NLN: variants seen among roughly 807,000 people sequenced by gnomAD.
NLN encodes neurolysin, also known as neurolysin, mitochondrial.
In NLN, 64 loss-of-function variants were observed where a neutral mutation model predicts 79.9. The ratio of observed to expected loss-of-function variants is 0.80; its 90% CI spans 0.65 to 0.99. The LOEUF is 0.99. Among genes scored for constraint, NLN ranks in the 50% least tolerant of loss-of-function variants. NLN has a pLI of 0.00. For synonymous variants in NLN, 267 were observed against 296.6 expected, an observed-to-expected ratio of 0.90 and a Z score of 1.02; for missense variants, 835 against 858.7, an observed-to-expected ratio of 0.97 and a Z score of 0.34.
intron 9 of NLN, among the ~76,000 whole-genome samples, chr5:65,802,330 C>T (rs963912477): frequency 2.0e-5 from 3 of 152,226 alleles, no homozygotes; most frequent in Admixed American, 6.5e-5. Flanking sequence ...CCAGCACAGG[C>T]GCTGGAGGCA....
chr5:65,735,286 C>T (rs895966381), intron 1 of NLN, among the ~76,000 whole-genome samples: 4 of 152,198 alleles, frequency 2.6e-5, no homozygotes, highest in Non-Finnish European at 5.9e-5. Context: ...ATAAGTTACC[C>T]AGTCTTGGGC....
chr5:65,784,975 TCATCCATGTTGTAG>T (rs1188494318), intron 6 of NLN, among the ~76,000 whole-genome samples: 5 of 152,212 alleles, frequency 3.3e-5, no homozygotes, highest in African/African-American at 1.2e-4. Context: ...CCTTAAAGGG[TCATCCATGTTGTAG>T]CATGTGTCAG....
chr5:65,780,989 A>G (rs1759788438), intron 5 of NLN, among the ~76,000 whole-genome samples: 1 of 152,010 alleles, frequency 6.6e-6, no homozygotes, highest in Non-Finnish European at 1.5e-5. Context: ...GTCTTTCTTC[A>G]CTTAATTTTG....
chr5:65,733,763 AGGCTGAAGTGCAGT>A lies in NLN; in HGVS notation c.41+11353_41+11366del, dbSNP rs1301853872. On this transcript the variant is annotated intron_variant, in intron 1 of 12. Transcript: ENST00000380985. ...TTGATGGAGTCTCGCTCTGTCCCTC[AGGCTGAAGTGCAGT>A]GGCACAATCTCAGCTCACTGCAACT... 3.8e-6 allele frequency: 3 copies of A among 782,278 alleles called. No individual in the cohort carries two copies. In the African/African-American group the frequency reaches 5.9e-5, roughly 15 times the overall value. 48.5% of individuals were successfully genotyped at this position (782,278 alleles called of 1,614,324 possible).
chr5:65,785,591 C>T (rs1386610117), intron 6 of NLN, among the ~76,000 whole-genome samples, 184 bp from the exon 7 acceptor site: 10 of 124,930 alleles, frequency 8.0e-5, no homozygotes, highest in Admixed American at 4.9e-4. Flanking sequence ...AGAAATAAAA[C>T]GAAATCATGA....
intron 3 of NLN, among the ~76,000 whole-genome samples, chr5:65,769,549 T>G (rs973700206): frequency 6.6e-6 from 1 of 152,170 alleles, no homozygotes; most frequent in African/African-American, 2.4e-5. Context: ...ACAAAAAATT[T>G]TTTTAAAACC....
At chr5:65,783,883 A>G (rs150777071) in intron 6 of NLN, among the ~76,000 whole-genome samples, 37 of 152,236 alleles carry the variant, frequency 2.4e-4, no homozygotes, top group Middle Eastern at 3.4e-3. Flanking sequence ...TTTCTCTTCT[A>G]TGTTTTCCAT....
rs954035095 is a variant in NLN, at chr5:65,825,625, T to A, written c.*2710T>A. ...TGCCTTGAGTTATCACCTGAGCTAC[T>A]TATGCCAAGGTCTTGCCTTTCTAAA... On this transcript the variant is annotated 3_prime_UTR_variant, in exon 13 of 13. Transcript: ENST00000380985. The A allele has an allele frequency of 2.6e-4, 39 of 152,212 alleles. No homozygotes were observed. The highest frequency in any genetic ancestry group is 8.2e-4 in the African/African-American group (34 of 41,440). 9.4% of individuals were successfully genotyped at this position (152,212 alleles called of 1,614,324 possible).
At chr5:65,776,496 G>A (rs1759681789) in intron 3 of NLN, among the ~76,000 whole-genome samples, 1 of 152,190 alleles carries the variant, frequency 6.6e-6, no homozygotes, top group East Asian at 1.9e-4. Flanking sequence ...GGTCTGTCAT[G>A]GAGAGAATCT....
In NLN at chr5:65,825,179, A is replaced by G. The variant is rs1233503517; in HGVS notation, c.*2264A>G. On this transcript the variant is annotated 3_prime_UTR_variant, in exon 13 of 13. Coordinates refer to ENST00000380985, the MANE Select transcript of NLN (RefSeq NM_020726.5). Reference sequence around the variant, plus strand: ...TTTAAAAATTCTCTAGCATAATTCAAAAGAAAGGACTTAACTTTTTTTTTT... The same window carrying G: ...TTTAAAAATTCTCTAGCATAATTCAGAAGAAAGGACTTAACTTTTTTTTTT... 4 of 152,258 alleles carry G rather than the reference A, an allele frequency of 2.6e-5. No homozygotes were observed. Among genetic ancestry groups the G allele is most frequent in the Non-Finnish European group, 5.9e-5 (4 of 68,044 alleles). The allele number at this position is 152,258 out of a possible 1,614,324, so 9.4% of individuals were successfully genotyped here.
intron 4 of NLN, among the ~76,000 whole-genome samples, chr5:65,779,271 G>A (rs551858237): frequency 6.6e-6 from 1 of 152,258 alleles, no homozygotes; most frequent in East Asian, 1.9e-4. Context: ...TGGTGATGCT[G>A]ATGCTCCTAG....
intron 1 of NLN, among the ~76,000 whole-genome samples, chr5:65,746,300 A>T (rs932546669): frequency 2.0e-5 from 3 of 152,376 alleles, no homozygotes; most frequent in Admixed American, 1.3e-4. Context: ...AAGAGGAATC[A>T]TTATCACAAA....
intron 1 of NLN, among the ~76,000 whole-genome samples, chr5:65,734,791 C>T (rs1468752194): frequency 1.3e-5 from 2 of 152,190 alleles, no homozygotes; most frequent in African/African-American, 4.8e-5. Context: ...AAGGTCCATA[C>T]TGTCAGGGCT....
At chr5:65,774,761 G>A (rs252633) in intron 3 of NLN, among the ~76,000 whole-genome samples, 68,999 of 148,110 alleles carry the variant, frequency 0.47, 16,788 homozygotes, top group Non-Finnish European at 0.54. Flanking sequence ...GTTTTACTCC[G>A]TCACCTGGGC....
intron 7 of NLN, among the ~76,000 whole-genome samples, chr5:65,786,679 A>ACCCCAACCCTGTCTCTAC (rs1363967244): frequency 6.6e-6 from 1 of 152,010 alleles, no homozygotes; most frequent in Non-Finnish European, 1.5e-5. Context: ...AAACAAAGAG[A>ACCCCAACCCTGTCTCTAC]CCCCAACCCT....
intron 3 of NLN, among the ~76,000 whole-genome samples, chr5:65,773,829 G>T (rs1759621533): frequency 6.6e-6 from 1 of 152,104 alleles, no homozygotes; most frequent in African/African-American, 2.4e-5. Context: ...TGTAATCCCA[G>T]CTACTTGGGA....
At chr5:65,786,297 T>C (rs1298566392) in intron 7 of NLN, among the ~76,000 whole-genome samples, 1 of 152,104 alleles carries the variant, frequency 6.6e-6, no homozygotes, top group African/African-American at 2.4e-5. Flanking sequence ...AAATAAAACA[T>C]ACATAAACAA....
rs546569503 is a variant in NLN, at chr5:65,757,522, C to G, written c.42-1045C>G. Reference sequence around the variant, plus strand: ...TTACTACATGGGAAGTATTTTGAACCATGCCTGAACAGACAATAAATGTTA... The same window carrying G: ...TTACTACATGGGAAGTATTTTGAACGATGCCTGAACAGACAATAAATGTTA... On this transcript the variant is annotated intron_variant, in intron 1 of 12. Transcript: ENST00000380985. Among the ~76,000 whole-genome samples, 6 of 152,216 alleles carry G rather than the reference C, an allele frequency of 3.9e-5. No individual in the cohort carries two copies. The South Asian group carries it at 1.2e-3, about 32-fold the overall frequency.
chr5:65,755,054 C>T (rs1480823297), intron 1 of NLN, among the ~76,000 whole-genome samples: 1 of 152,182 alleles, frequency 6.6e-6, no homozygotes, highest in Non-Finnish European at 1.5e-5. Flanking sequence ...TTTACTATAA[C>T]CTGACTACTC....
Sources: gnomAD v4.1 joint callset for allele counts (sites outside exome capture counted in the v4.1 genomes callset) on GRCh38, gnomAD v4.1.1 for gene constraint, MANE v1.5 for transcripts, NCBI Gene and HGNC (gene_info 2026-07-23, HGNC 2026-07-21) for gene names.